ARFGEF1: variants seen among roughly 807,000 people sequenced by gnomAD.
ARFGEF1 encodes ARF guanine nucleotide exchange factor 1.
In ARFGEF1, 42 loss-of-function variants were observed where a neutral mutation model predicts 231.0. The observed-to-expected ratio is 0.18, with a 90% CI of 0.14 to 0.24. The LOEUF (loss-of-function observed/expected upper bound fraction) is 0.24, where lower values mean the gene tolerates loss of function less well. Ranked by LOEUF, ARFGEF1 falls within the 10% of genes least tolerant of loss-of-function variation. ARFGEF1 has a pLI of 1.00. For synonymous variants in ARFGEF1, 710 were observed against 732.3 expected (o/e 0.97, Z 0.49); for missense variants, 1,345 against 2,192.0 (o/e 0.61, Z 7.72).
At chr8:67,193,709 A>G, downstream of ARFGEF1, 1 of 979,838 alleles carries the variant, frequency 1.0e-6, no homozygotes, top group Non-Finnish European at 1.5e-6. Context: ...ATGAGTTTGA[A>G]GACCTTTGAG....
chr8:67,317,063 A>C (rs1554649467), intron 1 of ARFGEF1, among the ~76,000 whole-genome samples: 1 of 152,158 alleles, frequency 6.6e-6, no homozygotes, highest in Non-Finnish European at 1.5e-5. Context: ...GGACACCCAA[A>C]GCTTGGGTAA....
intron 7 of ARFGEF1, among the ~76,000 whole-genome samples, chr8:67,280,913 A>G (rs920096699): frequency 1.3e-5 from 2 of 152,210 alleles, no homozygotes; most frequent in Non-Finnish European, 2.9e-5. Context: ...GACAAAAGAC[A>G]GCAATCTGAG....
Position 67,236,917 on chromosome 8 carries a change from A to T in ARFGEF1, c.3289+1426T>A, listed in dbSNP as rs137903479. Among the ~76,000 whole-genome samples the T allele has an allele frequency of 3.3e-4, 51 of 152,320 alleles. 1 individual carries two copies. In the East Asian group the frequency reaches 9.8e-3, roughly 29 times the overall value. On this transcript the variant is annotated intron_variant, in intron 22 of 38. Coordinates refer to ENST00000262215, the MANE Select transcript of ARFGEF1 (RefSeq NM_006421.5). The stretch of plus-strand genomic sequence containing the variant: ...AATTAATTTTAATTCATTTTCAAGT[A>T]TACCAGTAAATATTATCAGCAAGTA...
chr8:67,210,999 G>C (rs1440637577), intron 34 of ARFGEF1, among the ~76,000 whole-genome samples: 1 of 148,522 alleles, frequency 6.7e-6, no homozygotes, highest in Non-Finnish European at 1.5e-5. Flanking sequence ...GTTGCAGTGA[G>C]CATCACTGCA....
Position 67,238,507 on chromosome 8 carries a change from AG to A in ARFGEF1, c.3139-15del. On this transcript the variant is annotated splice_polypyrimidine_tract_variant and intron_variant, in intron 21 of 38. Coordinates refer to ENST00000262215, the MANE Select transcript of ARFGEF1 (RefSeq NM_006421.5). ...GCACTTCAGAATCTTAATTACAAAA[AG>A]GAAAAAAATGTTAAATTCCATGTTA... The A allele has an allele frequency of 1.9e-6, 3 of 1,583,126 alleles. No individual in the cohort carries two copies. Among genetic ancestry groups the A allele is most frequent in the Non-Finnish European group, 2.6e-6 (3 of 1,171,592 alleles).
intron 19 of ARFGEF1, among the ~76,000 whole-genome samples, chr8:67,242,973 T>C (rs1424559307): frequency 1.3e-5 from 2 of 152,270 alleles, no homozygotes; most frequent in Non-Finnish European, 2.9e-5. Flanking sequence ...CTGTGTCTTG[T>C]AGTTTGAGTG....
At chr8:67,334,476 T>TA (rs746888317) in intron 1 of ARFGEF1, among the ~76,000 whole-genome samples, 7 of 152,200 alleles carry the variant, frequency 4.6e-5, no homozygotes, top group Admixed American at 6.5e-5. Flanking sequence ...GGAAGCCTCA[T>TA]ACACTGCTGG....
Position 67,296,545 on chromosome 8 carries a change from C to T in ARFGEF1, c.525G>A (p.Val175=), listed in dbSNP as rs779850871. 1 of 1,613,808 alleles carries T rather than the reference C, an allele frequency of 6.2e-7. No homozygotes were observed. Among genetic ancestry groups the T allele is most frequent in the South Asian group, 1.1e-5 (1 of 91,070 alleles). ...CTAAGTAGATATTGTAACATGTTCT[C>T]ACAGCTTGCAGTACAGTCCCTTCAT... ...EIHEGTVLQA[V]RTCYNIYLAS... The change falls in exon 5 of 39, where the codon GTG becomes GTA. Residue 175 remains valine, a synonymous_variant. Transcript: ENST00000262215.
At chr8:67,301,525 G>T in intron 2 of ARFGEF1, 145 bp from the exon 3 acceptor site, 2 of 858,514 alleles carry the variant, frequency 2.3e-6, no homozygotes, top group Non-Finnish European at 3.4e-6. Flanking sequence ...GGAAACCCAA[G>T]CCCAGAGAAG....
At position 67,288,073 on chromosome 8, in the gene ARFGEF1, A is replaced by G; in HGVS notation, c.917-8T>C. The G allele has an allele frequency of 3.2e-6, 5 of 1,558,426 alleles. No individual in the cohort carries two copies. In the South Asian group the frequency reaches 4.8e-5, roughly 15 times the overall value. On this transcript the variant is annotated splice_polypyrimidine_tract_variant and splice_region_variant and intron_variant, in intron 6 of 38. Coordinates refer to ENST00000262215, the MANE Select transcript of ARFGEF1 (RefSeq NM_006421.5). ...CTTCATTTTTAGATAATGCTTTAAA[A>G]GAAGAAAAATTCAACAGAACATTAT...
At chr8:67,191,370 T>A (rs990433246) in intron 5 of ARFGEF1, among the ~76,000 whole-genome samples, 7 of 152,254 alleles carry the variant, frequency 4.6e-5, no homozygotes, top group African/African-American at 1.7e-4. Context: ...GAGCCAAGTA[T>A]GCAGAGACCT....
intron 10 of ARFGEF1, among the ~76,000 whole-genome samples, chr8:67,268,163 G>C (rs1393788854): frequency 6.6e-6 from 1 of 152,108 alleles, no homozygotes; most frequent in Non-Finnish European, 1.5e-5. Flanking sequence ...TATGAACCCA[G>C]AAAATCACAT....
chr8:67,222,893 A>G (rs1167104804), intron 29 of ARFGEF1, among the ~76,000 whole-genome samples: 1 of 152,158 alleles, frequency 6.6e-6, no homozygotes, highest in East Asian at 1.9e-4. Flanking sequence ...GCCTGTTTAG[A>G]TATGTTTAGA....
At chr8:67,204,352 A>G (rs1428353330) in intron 35 of ARFGEF1, among the ~76,000 whole-genome samples, 1 of 152,160 alleles carries the variant, frequency 6.6e-6, no homozygotes, top group Non-Finnish European at 1.5e-5. Flanking sequence ...CTTCTTCTTA[A>G]AACATTTTCT....
chr8:67,302,581 A>C, intron 1 of ARFGEF1, 115 bp from the exon 2 acceptor site: 1 of 637,632 alleles, frequency 1.6e-6, no homozygotes, highest in Non-Finnish European at 2.5e-6. Flanking sequence ...GAAAGAATGC[A>C]AATTTAATAA....
chr8:67,301,363 G>GCTTCTCCAT lies in ARFGEF1; in HGVS notation c.164_172dup (p.Glu57_Ala58insAspGlyGlu), dbSNP rs777186015. ...TGGAAGGGTGCTTGATCCAGCTTTTGCTTCTCCATGAGGAGGACTAAATGA... is the reference window on the plus strand; with the variant it reads ...TGGAAGGGTGCTTGATCCAGCTTTTGCTTCTCCATCTTCTCCATGAGGAGGACTAAATGA... On this transcript the variant is annotated inframe_insertion, in exon 3 of 39. Coordinates refer to ENST00000262215, the MANE Select transcript of ARFGEF1 (RefSeq NM_006421.5). 2.5e-6 allele frequency: 4 copies of GCTTCTCCAT among 1,613,128 alleles called. No homozygotes were observed. The highest frequency in any genetic ancestry group is 3.4e-6 in the Non-Finnish European group (4 of 1,179,718).
intron 16 of ARFGEF1, 120 bp downstream of exon 16, chr8:67,257,965 T>C (rs1587148601): frequency 9.3e-6 from 11 of 1,182,948 alleles, no homozygotes; most frequent in South Asian, 3.0e-5. Flanking sequence ...TTCCAGATTG[T>C]AGACAATCTA....
At chr8:67,209,537 T>C (rs910306822) in intron 34 of ARFGEF1, among the ~76,000 whole-genome samples, 8 of 152,128 alleles carry the variant, frequency 5.3e-5, no homozygotes, top group Non-Finnish European at 8.8e-5. Flanking sequence ...TAAATGCCAC[T>C]GAATTATTAT....
chr8:67,313,381 T>C (rs1807160210), intron 1 of ARFGEF1, among the ~76,000 whole-genome samples: 1 of 152,158 alleles, frequency 6.6e-6, no homozygotes, highest in African/African-American at 2.4e-5. Flanking sequence ...TTACCAGGGT[T>C]GGTTTTCTGG....
Sources: allele counts gnomAD v4.1 joint callset (sites outside exome capture counted in the v4.1 genomes callset), GRCh38; gene constraint gnomAD v4.1.1; transcripts MANE v1.5; gene names NCBI Gene and HGNC (gene_info 2026-07-23, HGNC 2026-07-21).